FBRSL1: variants seen among roughly 807,000 people sequenced by gnomAD.
FBRSL1 encodes fibrosin-1-like protein.
Under a neutral mutation model 89.6 loss-of-function variants are expected in FBRSL1, and 51 were observed. That is an observed-to-expected ratio of 0.57 (90% CI 0.45 to 0.72). FBRSL1 has a LOEUF of 0.72. FBRSL1 is among the 30% of genes least tolerant of loss of function. FBRSL1 has a pLI of 0.00. For missense variants in FBRSL1, 1,618 were observed against 1,451.8 expected, an observed-to-expected ratio of 1.11 and a Z score of -1.86; for synonymous variants, 779 against 681.1, an observed-to-expected ratio of 1.14 and a Z score of -2.24.
At position 132,583,088 on chromosome 12, in the gene FBRSL1, C is replaced by T. The variant is rs368683731; in HGVS notation, c.2319C>T (p.Pro773=). ...AQSELGRSGA[P]AEREAEPRVK... is the part of the protein sequence containing the mutation. ...GCGAGCTGGGCCGGTCCGGGGCCCC[C>T]GCGGAGCGCGAGGCCGAACCTCGGG... Residue 773 remains proline, a synonymous_variant, in exon 19 of 19, where the codon CCC becomes CCT. Transcript: ENST00000680143. The T allele has an allele frequency of 1.4e-6, 2 of 1,447,774 alleles. No homozygotes were observed. The highest frequency in any genetic ancestry group is 1.8e-6 in the Non-Finnish European group (2 of 1,104,038). 89.7% of individuals were successfully genotyped at this position (1,447,774 alleles called of 1,614,324 possible).
chr12:132,500,686 C>T (rs1208538645), intron 1 of FBRSL1, among the ~76,000 whole-genome samples: 2 of 152,054 alleles, frequency 1.3e-5, no homozygotes. Context: ...CCATTCACAC[C>T]CTTACAGGGA....
At chr12:132,523,008 G>A (rs2035494640) in intron 2 of FBRSL1, among the ~76,000 whole-genome samples, 1 of 152,228 alleles carries the variant, frequency 6.6e-6, no homozygotes, top group South Asian at 2.1e-4. Context: ...AGCATCGGTT[G>A]GACGGGTGGA....
chr12:132,496,788 T>A (rs1474572295), intron 1 of FBRSL1, among the ~76,000 whole-genome samples: 5 of 152,168 alleles, frequency 3.3e-5, no homozygotes, highest in Non-Finnish European at 7.4e-5. Flanking sequence ...CAGGTAGGGG[T>A]GACCCTGCTC....
intron 4 of FBRSL1, among the ~76,000 whole-genome samples, chr12:132,541,551 C>T (rs553076962): frequency 1.4e-4 from 22 of 152,368 alleles, no homozygotes; most frequent in Admixed American, 1.2e-3. Context: ...GGAAGTGGAG[C>T]CTGGGCTAAG....
intron 11 of FBRSL1, among the ~76,000 whole-genome samples, chr12:132,573,232 G>A (rs1409897509): frequency 6.6e-6 from 1 of 152,176 alleles, no homozygotes; most frequent in African/African-American, 2.4e-5. Context: ...CTGAAGACGG[G>A]GCCTGGACCA....
intron 5 of FBRSL1, among the ~76,000 whole-genome samples, chr12:132,566,729 G>T (rs7304522): frequency 0.013 from 1,973 of 152,020 alleles, 45 homozygotes; most frequent in African/African-American, 0.044. Context: ...TGGGAGCATA[G>T]CGCAGCATTC....
At chr12:132,548,415 G>A (rs1162727305) in intron 5 of FBRSL1, among the ~76,000 whole-genome samples, 1 of 152,188 alleles carries the variant, frequency 6.6e-6, no homozygotes, top group Non-Finnish European at 1.5e-5. Flanking sequence ...AGGGAGCAGG[G>A]GCAGAGCCCA....
intron 15 of FBRSL1, chr12:132,580,922 C>T: frequency 1.0e-6 from 1 of 985,434 alleles, no homozygotes; most frequent in Non-Finnish European, 1.2e-6. Flanking sequence ...GTTGGGGGGC[C>T]AGGGCTGATG....
At chr12:132,511,728 C>T (rs1375919397) in intron 2 of FBRSL1, 1 of 985,368 alleles carries the variant, frequency 1.0e-6, no homozygotes, top group Non-Finnish European at 1.2e-6. Context: ...CAGCTGCTGA[C>T]CTCCAGCACC....
Position 132,525,778 on chromosome 12 carries a change from C to T in FBRSL1, c.534C>T (p.Asp178=), listed in dbSNP as rs1223812961. The T allele has an allele frequency of 1.7e-5, 26 of 1,549,780 alleles. No individual in the cohort carries two copies. Among genetic ancestry groups the T allele is most frequent in the East Asian group, 2.4e-5 (1 of 40,916 alleles). The part of the protein sequence containing the change: ...VSKGGDRDSD[D]DSVLEATSSR... Reference sequence around the variant, plus strand: ...AAGGGGGCGACCGGGACAGTGACGACGACAGCGTCCTCGAAGCCACCAGCT... The same window carrying T: ...AAGGGGGCGACCGGGACAGTGACGATGACAGCGTCCTCGAAGCCACCAGCT... The change falls in exon 3 of 19, where the codon GAC becomes GAT. Residue 178 remains aspartate, a synonymous_variant. Transcript: ENST00000680143.
chr12:132,541,770 G>A (rs775584298), intron 4 of FBRSL1, among the ~76,000 whole-genome samples: 3 of 152,232 alleles, frequency 2.0e-5, no homozygotes, highest in Non-Finnish European at 4.4e-5. Context: ...TGCATATCCC[G>A]CCCGAGCGTG....
At chr12:132,567,329 C>T (rs1026180800) in intron 5 of FBRSL1, among the ~76,000 whole-genome samples, 152 bp from the exon 6 acceptor site, 1 of 152,194 alleles carries the variant, frequency 6.6e-6, no homozygotes. Flanking sequence ...CAGGACTAAG[C>T]GTGTTCACCT....
chr12:132,570,104 A>G lies in FBRSL1; in HGVS notation c.870A>G (p.Glu290=). The G allele has an allele frequency of 6.8e-7, 1 of 1,479,220 alleles. No individual in the cohort carries two copies. Among genetic ancestry groups the G allele is most frequent in the Non-Finnish European group, 8.9e-7 (1 of 1,122,458 alleles). The allele number at this position is 1,479,220 out of a possible 1,614,324, so 91.6% of individuals were successfully genotyped here. Residue 290 remains glutamate, a synonymous_variant, in exon 7 of 19, where the codon GAA becomes GAG. Transcript: ENST00000680143. ...GCGCCAATCCCTTGGTGAAGAAGGA[A>G]CCCCCCGCCCCGCACCGCCACACCC... ...GSRANPLVKK[E]PPAPHRHTPQ... is the part of the protein sequence containing the mutation.
chr12:132,582,347 CT>C, intron 18 of FBRSL1, 81 bp downstream of exon 18: 1 of 1,246,812 alleles, frequency 8.0e-7, no homozygotes, highest in Non-Finnish European at 1.1e-6. Flanking sequence ...CCGGTTCCCC[CT>C]CCCCCGTTCC....
chr12:132,582,343 C>T lies in FBRSL1; in HGVS notation c.2201+77C>T, dbSNP rs1318816316. 12 of 1,249,184 alleles carry T rather than the reference C, an allele frequency of 9.6e-6. No homozygotes were observed. In the East Asian group the frequency reaches 2.2e-4, roughly 22 times the overall value. 77.4% of individuals were successfully genotyped at this position (1,249,184 alleles called of 1,614,324 possible). A position where few individuals can be genotyped will look rare whatever the true frequency, so the allele number is the denominator to read the frequency against. ...TTCCCCCCTCCCGTCATCCCCGGTT[C>T]CCCCTCCCCCGTTCCCTCTTCTCCC... is the stretch of plus-strand genomic sequence containing the variant. On this transcript the variant is annotated intron_variant, in intron 18 of 18. Coordinates refer to ENST00000680143, the MANE Select transcript of FBRSL1 (RefSeq NM_001367871.1).
chr12:132,572,319 C>G lies in FBRSL1; in HGVS notation c.1409C>G (p.Pro470Arg). Residue 470 changes from proline to arginine, a missense_variant, in exon 10 of 19, where the codon CCC (proline) becomes CGC (arginine). Coordinates refer to ENST00000680143, the MANE Select transcript of FBRSL1 (RefSeq NM_001367871.1). ...FDKYAPKLDS[P>R]YFRHSSVSFF... ...AAGTATGCGCCCAAGCTGGACAGCC[C>G]CTACTTCCGACATTCCAGCGTGAGT... 2 of 1,551,202 alleles carry G rather than the reference C, an allele frequency of 1.3e-6. No homozygotes were observed. The highest frequency in any genetic ancestry group is 2.4e-5 in the South Asian group (2 of 84,062).
chr12:132,536,097 G>A (rs1373652878), intron 4 of FBRSL1, among the ~76,000 whole-genome samples: 1 of 151,754 alleles, frequency 6.6e-6, no homozygotes, highest in Non-Finnish European at 1.5e-5. Context: ...CATGGTGTGT[G>A]TGTGTGCATG....
intron 2 of FBRSL1, chr12:132,510,226 A>G (rs1395986887): frequency 3.2e-6 from 4 of 1,231,426 alleles, no homozygotes; most frequent in Non-Finnish European, 2.0e-6. Flanking sequence ...CCCATTCCCG[A>G]TCGCCCTTCA....
intron 2 of FBRSL1, among the ~76,000 whole-genome samples, chr12:132,508,816 G>A (rs1566114132): frequency 1.3e-5 from 2 of 152,348 alleles, no homozygotes; most frequent in East Asian, 1.9e-4. Flanking sequence ...CTGCAGGCAC[G>A]TGACTGTGGT....
Sources: gnomAD v4.1 joint callset for allele counts (sites outside exome capture counted in the v4.1 genomes callset) on GRCh38, gnomAD v4.1.1 for gene constraint, MANE v1.5 for transcripts, NCBI Gene and HGNC (gene_info 2026-07-23, HGNC 2026-07-21) for gene names.